The following TRIT1 variants were observed in gnomAD, a reference collection of about 807,000 sequenced individuals.
TRIT1 encodes the protein tRNA dimethylallyltransferase.
TRIT1 carries 43 observed loss-of-function variants against 51.2 expected under a neutral mutation model. That is an observed-to-expected ratio of 0.84 (90% confidence interval 0.66 to 1.08). The LOEUF (loss-of-function observed/expected upper bound fraction) is 1.08. TRIT1 is among the 50% of genes least tolerant of loss of function. The pLI is 0.00. For synonymous variants in TRIT1, 184 were observed against 203.9 expected (o/e 0.90, Z 0.83); for missense variants, 528 against 578.4 (o/e 0.91, Z 0.89).
Position 39,840,457 on chromosome 1 carries a change from A to C in TRIT1, c.*1287T>G, listed in dbSNP as rs1652510232. On this transcript the variant is annotated 3_prime_UTR_variant, in exon 11 of 11. Transcript: ENST00000316891. ...TTCCATGATCCCTTCCCTTCCTTCT[A>C]AACTGAAATTCTACACAGCTCTTAC... Among the ~76,000 whole-genome samples, 1 of 152,154 alleles carries C rather than the reference A, an allele frequency of 6.6e-6. No homozygotes were observed. Among genetic ancestry groups the C allele is most frequent in the Non-Finnish European group, 1.5e-5 (1 of 68,020 alleles).
Position 39,840,549 on chromosome 1 carries a change from A to C in TRIT1, c.*1195T>G, listed in dbSNP as rs1652513178. ...CATGCAATTATTTATAAGCTCCCTG[A>C]AGGCAAGAACCACATCTCATCTCTG... On this transcript the variant is annotated 3_prime_UTR_variant, in exon 11 of 11. Coordinates refer to ENST00000316891, the MANE Select transcript of TRIT1 (RefSeq NM_017646.6). Among the ~76,000 whole-genome samples the C allele has an allele frequency of 6.6e-6, 1 of 152,208 alleles. No individual in the cohort carries two copies. Among genetic ancestry groups the C allele is most frequent in the Admixed American group, 6.5e-5 (1 of 15,272 alleles).
chr1:39,868,571 G>A (rs1557571729), intron 1 of TRIT1, among the ~76,000 whole-genome samples: 1 of 150,966 alleles, frequency 6.6e-6, no homozygotes, highest in Non-Finnish European at 1.5e-5. Flanking sequence ...TTGAACCCGG[G>A]AGGTGGAGGT....
At chr1:39,871,058 T>C (rs967261828) in intron 1 of TRIT1, among the ~76,000 whole-genome samples, 18 of 152,256 alleles carry the variant, frequency 1.2e-4, no homozygotes, top group African/African-American at 4.3e-4. Context: ...CTGGGCGTGG[T>C]CGCACATGCC....
chr1:39,844,722 G>C (rs762250208), intron 8 of TRIT1, 82 bp from the exon 9 acceptor site: 12 of 933,568 alleles, frequency 1.3e-5, no homozygotes, highest in Non-Finnish European at 2.1e-5. Context: ...ATCCTCCAGG[G>C]AAATACACAG....
intron 1 of TRIT1, 25 bp from the exon 2 acceptor site, chr1:39,857,442 G>T (rs780379490): frequency 6.2e-7 from 1 of 1,604,718 alleles, no homozygotes; most frequent in East Asian, 2.2e-5. Flanking sequence ...ATTAACATGA[G>T]AAAGTCAACC....
At chr1:39,849,900 C>T (rs1642458965) in intron 5 of TRIT1, among the ~76,000 whole-genome samples, 1 of 152,196 alleles carries the variant, frequency 6.6e-6, no homozygotes, top group South Asian at 2.1e-4. Context: ...GATGTCTTCT[C>T]CTAATGCCAG....
chr1:39,856,864 C>T (rs1301414696), intron 2 of TRIT1, among the ~76,000 whole-genome samples: 1 of 152,150 alleles, frequency 6.6e-6, no homozygotes, highest in Non-Finnish European at 1.5e-5. Context: ...ATGCTTTACC[C>T]AGTAAAATTC....
At chr1:39,857,553 TAACA>T (rs1159173910) in intron 1 of TRIT1, 136 bp from the exon 2 acceptor site, 6 of 912,922 alleles carry the variant, frequency 6.6e-6, no homozygotes, top group Admixed American at 3.0e-5. Flanking sequence ...AGATGTATTC[TAACA>T]AACAGCACAG....
chr1:39,847,791 C>G, intron 6 of TRIT1, 131 bp from the exon 7 acceptor site: 1 of 1,523,212 alleles, frequency 6.6e-7, no homozygotes, highest in South Asian at 1.3e-5. Flanking sequence ...TACTGATTCT[C>G]TGAAATTTTC....
chr1:39,844,032 C>T, intron 10 of TRIT1, 69 bp downstream of exon 10: 2 of 1,095,240 alleles, frequency 1.8e-6, no homozygotes, highest in Non-Finnish European at 1.4e-6. Flanking sequence ...CTGCCAAAGA[C>T]TCTAAATTTC....
rs1557535642 is a variant in TRIT1, at chr1:39,847,634, T to A, written c.842A>T (p.Gln281Leu). 3 of 1,614,208 alleles carry A rather than the reference T, an allele frequency of 1.9e-6. No homozygotes were observed. In the East Asian group the frequency reaches 6.7e-5, roughly 36 times the overall value. The change falls in exon 7 of 11, where the codon CAA becomes CTA. Residue 281 changes from glutamine (Q) to leucine (L), a missense_variant. By Grantham distance (113) the Gln-to-Leu change is moderately radical. Coordinates refer to ENST00000316891, the MANE Select transcript of TRIT1 (RefSeq NM_017646.6). Reference protein sequence around the residue: ...NSQDYQHGIFQSIGFKEFHEY... With the variant: ...NSQDYQHGIFLSIGFKEFHEY... Reference sequence around the variant, plus strand: ...GTGAAATTCCTTGAAGCCAATTGATTGGAAGATACCATGTTGATAGTCCTG... The same window carrying A: ...GTGAAATTCCTTGAAGCCAATTGATAGGAAGATACCATGTTGATAGTCCTG...
In TRIT1 at chr1:39,852,715, C is replaced by T. The variant is rs374348068; in HGVS notation, c.560+16G>A. On this transcript the variant is annotated intron_variant, in intron 4 of 10. Transcript: ENST00000316891. ...GTTGTAAAGGAATTTGGGGTCAGCGCGCCAGGCTTTCTTACCTGGCCACTT... is the reference window on the plus strand; with the variant it reads ...GTTGTAAAGGAATTTGGGGTCAGCGTGCCAGGCTTTCTTACCTGGCCACTT... 42 of 1,611,620 alleles carry T rather than the reference C, an allele frequency of 2.6e-5. No homozygotes were observed. The highest frequency in any genetic ancestry group is 8.0e-5 in the African/African-American group (6 of 74,778).
intron 1 of TRIT1, among the ~76,000 whole-genome samples, chr1:39,864,541 G>A (rs141721062): frequency 0.016 from 2,384 of 150,628 alleles, 62 homozygotes; most frequent in African/African-American, 0.054. Flanking sequence ...CCCGGGAGGC[G>A]GAGCTTGCAG....
At chr1:39,879,951 C>A (rs1644198421) in intron 1 of TRIT1, among the ~76,000 whole-genome samples, 1 of 148,268 alleles carries the variant, frequency 6.7e-6, no homozygotes, top group East Asian at 2.0e-4. Flanking sequence ...TTGAGGTGGG[C>A]GGATCACGAG....
At chr1:39,872,486 G>A (rs966745017) in intron 1 of TRIT1, among the ~76,000 whole-genome samples, 1 of 152,122 alleles carries the variant, frequency 6.6e-6, no homozygotes, top group Admixed American at 6.6e-5. Flanking sequence ...ACACAAATAA[G>A]TAAATATACT....
At chr1:39,867,585 T>G (rs1471175244) in intron 1 of TRIT1, among the ~76,000 whole-genome samples, 1 of 152,212 alleles carries the variant, frequency 6.6e-6, no homozygotes, top group Non-Finnish European at 1.5e-5. Flanking sequence ...AATGCAAAAT[T>G]GGCACATATT....
chr1:39,848,809 C>G (rs760681685), intron 5 of TRIT1, among the ~76,000 whole-genome samples: 1 of 150,678 alleles, frequency 6.6e-6, no homozygotes, highest in East Asian at 2.0e-4. Context: ...GGCAACAGGG[C>G]GAGACTCTGT....
Position 39,857,399 on chromosome 1 carries a change from T to G in TRIT1, c.193A>C (p.Ile65Leu), listed in dbSNP as rs1417092731. 2 of 1,613,930 alleles carry G rather than the reference T, an allele frequency of 1.2e-6. No homozygotes were observed. The highest frequency in any genetic ancestry group is 1.7e-6 in the Non-Finnish European group (2 of 1,179,966). ...TGGGCAGAAACCTTGTTGGTGATGA[T>G]GTCTAGGCCTTCATAGACCTAGGGG... Reference protein sequence around the residue: ...DSMQVYEGLDIITNKVSAQEQ... With the variant: ...DSMQVYEGLDLITNKVSAQEQ... Residue 65 changes from isoleucine (I) to leucine (L), a missense_variant, in exon 2 of 11, where the codon ATC becomes CTC. Ile to Leu is a conservative substitution (Grantham distance 5). Coordinates refer to ENST00000316891, the MANE Select transcript of TRIT1 (RefSeq NM_017646.6).
chr1:39,844,206 T>C lies in TRIT1; in HGVS notation c.1129A>G (p.Thr377Ala), dbSNP rs372380634. The change falls in exon 10 of 11, where the codon ACA becomes GCA. Residue 377 changes from threonine to alanine, a missense_variant. By Grantham distance (58) the Thr-to-Ala change is moderately conservative. This residue lies in a region of TRIT1 where 468 missense variants were observed against 522.6 expected (regional missense o/e 0.90). Transcript: ENST00000316891. Reference sequence around the variant, plus strand: ...TATGGCATCTTTATTGGAGTGGCTGTAGGCTTGTGGCCCTAAAAGAACAAG... The same window carrying C: ...TATGGCATCTTTATTGGAGTGGCTGCAGGCTTGTGGCCCTAAAAGAACAAG... The part of the protein sequence containing the change: ...VQSFIQGHKP[T>A]ATPIKMPYNE... The C allele has an allele frequency of 1.2e-6, 2 of 1,613,710 alleles. No individual in the cohort carries two copies. The highest frequency in any genetic ancestry group is 1.7e-6 in the Non-Finnish European group (2 of 1,179,782).
Sources: allele counts gnomAD v4.1 joint callset (sites outside exome capture counted in the v4.1 genomes callset), GRCh38; gene constraint gnomAD v4.1.1; regional missense constraint gnomAD v4.1.1; transcripts MANE v1.5; gene names NCBI Gene and HGNC (gene_info 2026-07-23, HGNC 2026-07-21).